The following MIPOL1 variants were observed in gnomAD, a reference collection of about 807,000 sequenced individuals.
MIPOL1 encodes the protein mirror-image polydactyly gene 1 protein.
A neutral mutation model predicts 60.9 loss-of-function variants in MIPOL1; 57 were observed. The ratio of observed to expected loss-of-function variants is 0.94; its 90% confidence interval spans 0.76 to 1.17. MIPOL1 has a LOEUF of 1.17. MIPOL1 is among the 50% of genes most tolerant of loss of function. The probability of loss-of-function intolerance (pLI) is 0.00; values close to 1 mark genes in which losing one functional copy is unlikely to be tolerated. For synonymous variants in MIPOL1, 179 were observed against 168.8 expected (o/e 1.06, Z -0.47); for missense variants, 551 against 511.6 (o/e 1.08, Z -0.74).
At chr14:37,307,992 C>G in intron 7 of MIPOL1, 64 bp from the exon 8 acceptor site, 2 of 1,363,462 alleles carry the variant, frequency 1.5e-6, no homozygotes, top group Non-Finnish European at 2.1e-6. Context: ...ATTTAAAAAG[C>G]GAACTCATTT....
At chr14:37,291,032 A>G (rs1337517077) in intron 7 of MIPOL1, among the ~76,000 whole-genome samples, 1 of 152,170 alleles carries the variant, frequency 6.6e-6, no homozygotes, top group Non-Finnish European at 1.5e-5. Flanking sequence ...GTTCCTGTGA[A>G]GGAAATGATC....
In MIPOL1 at chr14:37,282,143, A is replaced by T. The variant is rs190562138; in HGVS notation, c.494-3175A>T. Reference sequence around the variant, plus strand: ...CTTAAAACTAAAAGAGCATTTCAAAATTTTTCTGAAGTTTATTTTGTAGTT... The same window carrying T: ...CTTAAAACTAAAAGAGCATTTCAAATTTTTTCTGAAGTTTATTTTGTAGTT... On this transcript the variant is annotated intron_variant, in intron 6 of 12. Transcript: ENST00000684589. 2.4e-3 allele frequency among the ~76,000 whole-genome samples: 358 copies of T among 152,022 alleles called. 1 individual carries two copies. Among genetic ancestry groups the T allele is most frequent in the African/African-American group, 7.0e-3 (292 of 41,482 alleles).
At chr14:37,454,084 C>T (rs553099953) in intron 11 of MIPOL1, among the ~76,000 whole-genome samples, 2 of 152,280 alleles carry the variant, frequency 1.3e-5, no homozygotes, top group African/African-American at 4.8e-5. Flanking sequence ...TCTGGTTAGC[C>T]ATGACCTGGA....
At chr14:37,339,268 G>A (rs1054964320) in intron 9 of MIPOL1, among the ~76,000 whole-genome samples, 1 of 152,198 alleles carries the variant, frequency 6.6e-6, no homozygotes, top group Non-Finnish European at 1.5e-5. Context: ...TACATCACAT[G>A]CACTATGGTG....
At chr14:37,260,736 T>G (rs984243923) in intron 3 of MIPOL1, among the ~76,000 whole-genome samples, 1 of 152,076 alleles carries the variant, frequency 6.6e-6, no homozygotes, top group African/African-American at 2.4e-5. Flanking sequence ...AATACAAATT[T>G]AAAAAGCCCT....
intron 7 of MIPOL1, among the ~76,000 whole-genome samples, chr14:37,295,682 C>CA (rs1226948669): frequency 8.6e-5 from 13 of 152,028 alleles, no homozygotes; most frequent in African/African-American, 2.9e-4. Flanking sequence ...GACTTTAAAC[C>CA]AACAAAGATC....
rs56361320 is a variant in MIPOL1, at chr14:37,394,057, C to CATATATATATATATATATATAT, written c.936+24440_936+24461dup. On this transcript the variant is annotated intron_variant, in intron 10 of 12. Coordinates refer to ENST00000684589, the MANE Select transcript of MIPOL1 (RefSeq NM_001388067.1). ...ATTCCTTTTTATGGCTTAGTAGTGG[C>CATATATATATATATATATATAT]ATATATATATATATATATATATATA... Among the ~76,000 whole-genome samples the CATATATATATATATATATATAT allele has an allele frequency of 5.9e-3, 432 of 73,146 alleles. 12 individuals carry two copies. The highest frequency in any genetic ancestry group is 9.9e-3 in the African/African-American group (207 of 20,950). The allele number at this position is 73,146 out of a possible 152,430, so 48.0% of individuals were successfully genotyped here.
At chr14:37,264,481 G>A (rs1258333085) in intron 3 of MIPOL1, among the ~76,000 whole-genome samples, 1 of 151,818 alleles carries the variant, frequency 6.6e-6, no homozygotes, top group Non-Finnish European at 1.5e-5. Context: ...AAATTAGTGA[G>A]GCATGGCAAC....
chr14:37,274,178 A>G (rs2083480179), intron 6 of MIPOL1, among the ~76,000 whole-genome samples: 1 of 151,516 alleles, frequency 6.6e-6, no homozygotes. Context: ...AATGAGATGC[A>G]AAAGATTTCA....
chr14:37,247,763 G>T, intron 2 of MIPOL1, 66 bp from the exon 3 acceptor site: 2 of 788,720 alleles, frequency 2.5e-6, no homozygotes, highest in Admixed American at 2.8e-5. Flanking sequence ...TTAAACAAAG[G>T]TAAGATTTAG....
At chr14:37,390,662 A>T (rs914232168) in intron 10 of MIPOL1, among the ~76,000 whole-genome samples, 1 of 152,094 alleles carries the variant, frequency 6.6e-6, no homozygotes, top group African/African-American at 2.4e-5. Context: ...CAATATCTGA[A>T]ATTAGATGAG....
chr14:37,348,055 C>T (rs371645356), intron 9 of MIPOL1, among the ~76,000 whole-genome samples: 29 of 152,224 alleles, frequency 1.9e-4, no homozygotes, highest in African/African-American at 5.8e-4. Context: ...ATACCTCATT[C>T]GCCTTTCTGG....
chr14:37,356,870 C>T (rs1186135473), intron 9 of MIPOL1, among the ~76,000 whole-genome samples: 11 of 152,298 alleles, frequency 7.2e-5, no homozygotes, highest in South Asian at 6.2e-4. Flanking sequence ...CTGTCTTCCC[C>T]GTCGGCCACG....
intron 3 of MIPOL1, among the ~76,000 whole-genome samples, chr14:37,260,167 A>C (rs1342779259): frequency 6.6e-6 from 1 of 151,744 alleles, no homozygotes; most frequent in African/African-American, 2.4e-5. Context: ...GCACTTTGGA[A>C]GGCCAAGGTG....
chr14:37,200,877 TG>T lies in MIPOL1; in HGVS notation c.-199+2774del, dbSNP rs1566964839. On this transcript the variant is annotated intron_variant, in intron 1 of 12. Coordinates refer to ENST00000684589, the MANE Select transcript of MIPOL1 (RefSeq NM_001388067.1). ...GTGTGTGTGTGTGTGTGTGTGTGTG[TG>T]TGTGTGTGTGTGTGTGTGTGTATTT... 3.3e-4 allele frequency among the ~76,000 whole-genome samples: 37 copies of T among 111,636 alleles called. 3 individuals are homozygous for T. Among genetic ancestry groups the T allele is most frequent in the African/African-American group, 1.6e-3 (36 of 21,840 alleles). 73.2% of individuals were successfully genotyped at this position (111,636 alleles called of 152,430 possible). A position where few individuals can be genotyped will look rare whatever the true frequency, so the allele number is the denominator to read the frequency against.
At chr14:37,341,060 A>C (rs1273503494) in intron 9 of MIPOL1, among the ~76,000 whole-genome samples, 1 of 152,216 alleles carries the variant, frequency 6.6e-6, no homozygotes, top group Non-Finnish European at 1.5e-5. Flanking sequence ...GCAGTAGGCT[A>C]TACCATCTAG....
At chr14:37,515,985 C>G (rs550397456) in intron 12 of MIPOL1, among the ~76,000 whole-genome samples, 1 of 152,224 alleles carries the variant, frequency 6.6e-6, no homozygotes, top group South Asian at 2.1e-4. Flanking sequence ...GTAAGAGAGT[C>G]CGGCTTCATT....
intron 11 of MIPOL1, among the ~76,000 whole-genome samples, chr14:37,427,007 G>C (rs771064754): frequency 1.3e-5 from 2 of 151,952 alleles, no homozygotes; most frequent in Non-Finnish European, 2.9e-5. Flanking sequence ...ACAATTTGGT[G>C]GTTCCTCAAA....
chr14:37,425,555 C>A (rs540290828), intron 11 of MIPOL1, among the ~76,000 whole-genome samples: 3 of 152,004 alleles, frequency 2.0e-5, no homozygotes, highest in African/African-American at 4.8e-5. Flanking sequence ...CATGTGTGGT[C>A]GTGTATAAAT....
Sources: gnomAD v4.1 joint callset for allele counts (sites outside exome capture counted in the v4.1 genomes callset) on GRCh38, gnomAD v4.1.1 for gene constraint, MANE v1.5 for transcripts, NCBI Gene and HGNC (gene_info 2026-07-23, HGNC 2026-07-21) for gene names.